SUGP1: variants seen among roughly 807,000 people sequenced by gnomAD.
The protein encoded by SUGP1 is SURP and G-patch domain containing 1.
Under a neutral mutation model 76.5 loss-of-function variants are expected in SUGP1, and 34 were observed. The ratio of observed to expected loss-of-function variants is 0.44; its 90% CI spans 0.34 to 0.59. The LOEUF (loss-of-function observed/expected upper bound fraction) is 0.59, where lower values mean the gene tolerates loss of function less well. Ranked by LOEUF, SUGP1 falls within the 20% of genes least tolerant of loss-of-function variation. The pLI is 0.01. For missense variants in SUGP1, 752 were observed against 851.7 expected (o/e 0.88, Z 1.46); for synonymous variants, 326 against 326.2 (o/e 1.00, Z 0.01).
chr19:19,305,493 G>T (rs965910439), intron 4 of SUGP1, among the ~76,000 whole-genome samples: 1 of 152,196 alleles, frequency 6.6e-6, no homozygotes, highest in Non-Finnish European at 1.5e-5. Flanking sequence ...AGGGCTCAGC[G>T]GAAGAGCCTT....
At chr19:19,306,591 G>A (rs2061319641) in intron 3 of SUGP1, among the ~76,000 whole-genome samples, 1 of 152,240 alleles carries the variant, frequency 6.6e-6, no homozygotes, top group South Asian at 2.1e-4. Context: ...CCTGACAGAG[G>A]TCGAAGACCA....
chr19:19,311,476 C>T (rs1003040857), intron 2 of SUGP1, among the ~76,000 whole-genome samples: 1 of 151,842 alleles, frequency 6.6e-6, no homozygotes, highest in African/African-American at 2.4e-5. Context: ...GCCTGTAATC[C>T]CAGCACTTTG....
chr19:19,318,680 T>G (rs1310382273), intron 1 of SUGP1, among the ~76,000 whole-genome samples: 1 of 152,180 alleles, frequency 6.6e-6, no homozygotes, highest in African/African-American at 2.4e-5. Context: ...GCCTCCCATT[T>G]AAGCCTCCCA....
Position 19,297,074 on chromosome 19 carries a change from C to T in SUGP1, c.1158G>A (p.Arg386=), listed in dbSNP as rs115426450. ...AATVKRKRKS[R]WGPEEDKVEL... ...CTACCTTATCCTCTTCAGGCCCCCA[C>T]CGGCTCTTCCGCTTCCTCTTCACGG... Residue 386 remains arginine, a synonymous_variant, in exon 8 of 14, where the codon CGG becomes CGA. Transcript: ENST00000247001. The T allele has an allele frequency of 6.2e-6, 10 of 1,613,490 alleles. No individual in the cohort carries two copies. In the African/African-American group the frequency reaches 8.0e-5, roughly 13 times the overall value.
intron 2 of SUGP1, among the ~76,000 whole-genome samples, chr19:19,312,784 G>C (rs1268104632): frequency 6.6e-6 from 1 of 151,624 alleles, no homozygotes; most frequent in Non-Finnish European, 1.5e-5. Flanking sequence ...TCAGGAGATC[G>C]AGACCATCCT....
At chr19:19,295,914 A>G (rs2061221852) in intron 8 of SUGP1, among the ~76,000 whole-genome samples, 1 of 152,224 alleles carries the variant, frequency 6.6e-6, no homozygotes, top group African/African-American at 2.4e-5. Flanking sequence ...CATTTCTCCA[A>G]AGAAGCTATA....
intron 8 of SUGP1, among the ~76,000 whole-genome samples, chr19:19,294,662 G>GA (rs1195787987): frequency 6.6e-6 from 1 of 151,904 alleles, no homozygotes; most frequent in Non-Finnish European, 1.5e-5. Flanking sequence ...AACCACAGAA[G>GA]AAAAAATAGA....
At chr19:19,316,161 C>T (rs888415968) in intron 2 of SUGP1, 1 of 488,926 alleles carries the variant, frequency 2.0e-6, no homozygotes, top group Non-Finnish European at 3.7e-6. Context: ...CTCTGTTATA[C>T]CCCTTCCCTC....
At chr19:19,318,420 G>A (rs1359238836) in intron 1 of SUGP1, among the ~76,000 whole-genome samples, 1 of 151,012 alleles carries the variant, frequency 6.6e-6, no homozygotes, top group Non-Finnish European at 1.5e-5. Context: ...ACACCCAGCC[G>A]TTTTTTTTGT....
Position 19,289,815 on chromosome 19 carries a change from C to T in SUGP1, c.1243+7174G>A, listed in dbSNP as rs976792153. Among the ~76,000 whole-genome samples, 5 of 152,242 alleles carry T rather than the reference C, an allele frequency of 3.3e-5. No homozygotes were observed. In the South Asian group the frequency reaches 6.2e-4, roughly 19 times the overall value. ...AATGAATGAAGAAAGAGGTTCCGGA[C>T]AGCAGAACTCATGGAGGTTCCTGGA... On this transcript the variant is annotated intron_variant, in intron 8 of 13. Transcript: ENST00000247001.
chr19:19,277,253 G>GGA (rs891075731), intron 12 of SUGP1, among the ~76,000 whole-genome samples, 177 bp from the exon 13 acceptor site: 1 of 146,864 alleles, frequency 6.8e-6, no homozygotes, highest in Non-Finnish European at 1.5e-5. Flanking sequence ...GGGGCGGGCG[G>GGA]GGGGGGGGGG....
At chr19:19,315,533 T>A (rs2061387674) in intron 2 of SUGP1, among the ~76,000 whole-genome samples, 1 of 152,124 alleles carries the variant, frequency 6.6e-6, no homozygotes, top group African/African-American at 2.4e-5. Flanking sequence ...GACAGGCAAG[T>A]GGAAACCCTT....
intron 7 of SUGP1, among the ~76,000 whole-genome samples, chr19:19,297,722 CGAGACAG>C (rs1568627252): frequency 6.6e-6 from 1 of 152,212 alleles, no homozygotes; most frequent in African/African-American, 2.4e-5. Context: ...ACACCAGACA[CGAGACAG>C]GGCAGAGGGA....
At chr19:19,302,122 C>A (rs1399194455) in intron 7 of SUGP1, 143 bp downstream of exon 7, 11 of 1,331,722 alleles carry the variant, frequency 8.3e-6, no homozygotes, top group African/African-American at 2.9e-5. Context: ...CAGAGCTGGG[C>A]TCTGGGGTCA....
intron 1 of SUGP1, 127 bp from the exon 2 acceptor site, chr19:19,316,720 A>C: frequency 1.9e-6 from 2 of 1,055,414 alleles, no homozygotes; most frequent in Non-Finnish European, 2.7e-6. Flanking sequence ...TTTATTCAGC[A>C]AACACTTACA....
Position 19,276,364 on chromosome 19 carries a change from A to G in SUGP1, c.*284T>C, listed in dbSNP as rs2061049438. ...CTGCACCTGGCCTTCCAGCTTTACT[A>G]TGCTGAAAACAACTTTCTTCCTCCC... On this transcript the variant is annotated 3_prime_UTR_variant, in exon 14 of 14. Coordinates refer to ENST00000247001, the MANE Select transcript of SUGP1 (RefSeq NM_172231.4). The G allele has an allele frequency of 5.0e-6, 2 of 398,838 alleles. No homozygotes were observed. The highest frequency in any genetic ancestry group is 2.9e-5 in the South Asian group (1 of 34,846). The allele number at this position is 398,838 out of a possible 1,614,324, so 24.7% of individuals were successfully genotyped here. A position where few individuals can be genotyped will look rare whatever the true frequency, so the allele number is the denominator to read the frequency against.
rs1599874437 is a variant in SUGP1, at chr19:19,316,526, G to A, written c.102C>T (p.His34=). The A allele has an allele frequency of 1.2e-6, 2 of 1,613,934 alleles. No individual in the cohort carries two copies. Among genetic ancestry groups the A allele is most frequent in the Non-Finnish European group, 8.5e-7 (1 of 1,180,026 alleles). ...KSGKMNMNIL[H]QEELIAQKKR... is the part of the protein sequence containing the mutation. ...TCTTCTGAGCGATGAGCTCTTCCTG[G>A]TGAAGGATGTTCATGTTCATTTTTC... Residue 34 remains histidine (H), a synonymous_variant, in exon 2 of 14, where the codon CAC becomes CAT. Transcript: ENST00000247001.
At chr19:19,288,434 A>G (rs1229414599) in intron 8 of SUGP1, among the ~76,000 whole-genome samples, 1 of 152,194 alleles carries the variant, frequency 6.6e-6, no homozygotes, top group African/African-American at 2.4e-5. Context: ...CATGTTAATC[A>G]ACTGTTTATG....
At chr19:19,280,103 T>C in intron 9 of SUGP1, 82 bp downstream of exon 9, 1 of 1,351,966 alleles carries the variant, frequency 7.4e-7, no homozygotes, top group Non-Finnish European at 1.0e-6. Context: ...CATGAACCCC[T>C]GTGACCGCTG....
Sources: gnomAD v4.1 joint callset for allele counts (sites outside exome capture counted in the v4.1 genomes callset) on GRCh38, gnomAD v4.1.1 for gene constraint, MANE v1.5 for transcripts, NCBI Gene and HGNC (gene_info 2026-07-23, HGNC 2026-07-21) for gene names.